NOSTRIN: variants seen among roughly 807,000 people sequenced by gnomAD.
NOSTRIN encodes nitric oxide synthase trafficking, also known as BM247 homolog.
NOSTRIN carries 63 observed loss-of-function variants against 59.0 expected under a neutral mutation model. That is an observed-to-expected ratio of 1.07 (90% CI 0.87 to 1.32). The LOEUF is 1.32. Among genes scored for constraint, NOSTRIN ranks in the 40% most tolerant of loss-of-function variants. The probability of loss-of-function intolerance (pLI) is 0.00; values close to 1 mark genes in which losing one functional copy is unlikely to be tolerated. For synonymous variants in NOSTRIN, 200 were observed against 165.4 expected (o/e 1.21, Z -1.61); for missense variants, 512 against 473.1 (o/e 1.08, Z -0.76).
chr2:168,852,020 C>A (rs1688796535), intron 10 of NOSTRIN, among the ~76,000 whole-genome samples: 1 of 152,196 alleles, frequency 6.6e-6, no homozygotes, highest in Admixed American at 6.5e-5. Context: ...CCATGTGGGT[C>A]TCTCCATGTC....
rs369236373 is a variant in NOSTRIN, at chr2:168,787,410, C to T, written c.-660-451C>T. Among the ~76,000 whole-genome samples the T allele has an allele frequency of 1.9e-3, 290 of 152,290 alleles. 1 individual carries two copies. The highest frequency in any genetic ancestry group is 6.4e-3 in the African/African-American group (268 of 41,568). Reference sequence around the variant, plus strand: ...ACCTCTTTCCTCTTCTTCTTCATGTCGCTAACTCTTACTTGGCCTTGAAGA... The same window carrying T: ...ACCTCTTTCCTCTTCTTCTTCATGTTGCTAACTCTTACTTGGCCTTGAAGA... On this transcript the variant is annotated intron_variant, in intron 1 of 20. Transcript: ENST00000458381.
intron 15 of NOSTRIN, among the ~76,000 whole-genome samples, chr2:168,864,113 G>A (rs961892222): frequency 1.4e-4 from 21 of 152,004 alleles, no homozygotes; most frequent in Non-Finnish European, 7.4e-5. Context: ...GACTACAGGC[G>A]TGTGCCACCA....
upstream of NOSTRIN, among the ~76,000 whole-genome samples, chr2:168,794,452 C>T (rs1414048643): frequency 2.0e-5 from 3 of 151,084 alleles, no homozygotes; most frequent in Non-Finnish European, 4.4e-5. Context: ...CCCAGGTTCG[C>T]ACCATTCTCC....
intron 15 of NOSTRIN, among the ~76,000 whole-genome samples, chr2:168,864,317 G>A (rs1689706859): frequency 6.9e-6 from 1 of 145,782 alleles, no homozygotes; most frequent in South Asian, 2.2e-4. Context: ...GTCTTGCCCT[G>A]TTGCTGTTGC....
upstream of NOSTRIN, among the ~76,000 whole-genome samples, chr2:168,801,415 C>T (rs552705569): frequency 6.6e-6 from 1 of 150,930 alleles, no homozygotes; most frequent in Non-Finnish European, 1.5e-5. Flanking sequence ...AGATAGGAAT[C>T]TCCTGCTATA....
intron 2 of NOSTRIN, among the ~76,000 whole-genome samples, chr2:168,822,228 T>C (rs1042740833): frequency 2.0e-5 from 3 of 152,248 alleles, no homozygotes; most frequent in Non-Finnish European, 2.9e-5. Context: ...CCTTTCCTTA[T>C]GCCTGGGCAA....
In NOSTRIN at chr2:168,864,782, G is replaced by A; in HGVS notation, c.1385-52G>A. On this transcript the variant is annotated intron_variant, in intron 15 of 15. Coordinates refer to ENST00000317647, the MANE Select transcript of NOSTRIN (RefSeq NM_001039724.4). ...CCTTAAAACTCTTATCAATCGGGCTGAGGCATGTGTTCACATCACAGAGAC... is the reference window on the plus strand; with the variant it reads ...CCTTAAAACTCTTATCAATCGGGCTAAGGCATGTGTTCACATCACAGAGAC... The A allele has an allele frequency of 2.5e-6, 4 of 1,602,814 alleles. No homozygotes were observed. In the South Asian group the frequency reaches 3.3e-5, roughly 13 times the overall value.
intron 12 of NOSTRIN, among the ~76,000 whole-genome samples, chr2:168,857,680 G>C (rs1689207623): frequency 6.6e-6 from 1 of 152,236 alleles, no homozygotes; most frequent in South Asian, 2.1e-4. Context: ...GCTGTGATTA[G>C]AGATCATGAG....
intron 2 of NOSTRIN, among the ~76,000 whole-genome samples, chr2:168,812,707 G>A (rs1438691140): frequency 3.9e-5 from 6 of 152,154 alleles, no homozygotes; most frequent in African/African-American, 1.4e-4. Context: ...TATACGGGAA[G>A]AGTAAAGTCT....
intron 15 of NOSTRIN, 137 bp from the exon 16 acceptor site, chr2:168,864,697 G>C (rs897496044): frequency 1.1e-6 from 1 of 879,832 alleles, no homozygotes; most frequent in African/African-American, 1.7e-5. Context: ...GATACATTTG[G>C]CTTCATCTGA....
intron 9 of NOSTRIN, 38 bp from the exon 10 acceptor site, chr2:168,851,241 T>G: frequency 6.2e-7 from 1 of 1,614,002 alleles, no homozygotes; most frequent in South Asian, 1.1e-5. Flanking sequence ...CAGAAACCTT[T>G]CTTCGACAAC....
At chr2:168,858,861 T>C (rs1383779720) in intron 12 of NOSTRIN, among the ~76,000 whole-genome samples, 1 of 152,336 alleles carries the variant, frequency 6.6e-6, no homozygotes, top group East Asian at 1.9e-4. Context: ...GATTCTGTTA[T>C]TTAATTCACC....
chr2:168,829,062 T>G (rs895956533), intron 5 of NOSTRIN, among the ~76,000 whole-genome samples: 3 of 152,212 alleles, frequency 2.0e-5, no homozygotes, highest in African/African-American at 7.2e-5. Context: ...AAGAGAATGA[T>G]AAGCACAATT....
At chr2:168,837,460 C>T (rs746157279) in intron 7 of NOSTRIN, among the ~76,000 whole-genome samples, 2 of 151,880 alleles carry the variant, frequency 1.3e-5, no homozygotes, top group Non-Finnish European at 2.9e-5. Context: ...CAGGCCCCGC[C>T]ACCACACCCA....
intron 8 of NOSTRIN, 77 bp downstream of exon 8, chr2:168,843,194 G>A (rs1688203437): frequency 2.5e-6 from 2 of 786,228 alleles, no homozygotes; most frequent in Non-Finnish European, 4.4e-6. Context: ...AGATTACAGT[G>A]ACAAGACCTG....
intron 1 of NOSTRIN, among the ~76,000 whole-genome samples, chr2:168,808,862 A>G (rs1685999108): frequency 2.0e-5 from 3 of 152,212 alleles, no homozygotes; most frequent in South Asian, 4.1e-4. Flanking sequence ...AAATGTTCAT[A>G]TGTTAGAATA....
intron 7 of NOSTRIN, among the ~76,000 whole-genome samples, chr2:168,836,855 C>G (rs1401214557): frequency 6.6e-6 from 1 of 152,218 alleles, no homozygotes. Context: ...GGACAGCCCA[C>G]TCCCTAATGA....
rs1481807368 is a variant in NOSTRIN, at chr2:168,855,448, A to G, written c.952A>G (p.Lys318Glu). 17 of 1,600,624 alleles carry G rather than the reference A, an allele frequency of 1.1e-5. No individual in the cohort carries two copies. Among genetic ancestry groups the G allele is most frequent in the Non-Finnish European group, 1.5e-5 (17 of 1,168,774 alleles). Residue 318 changes from lysine (K) to glutamate (E), a missense_variant, in exon 11 of 16, where the codon AAA becomes GAA. Transcript: ENST00000317647. ...GCAGAGAGACATTGAAAAAGCCTCA[A>G]AAGACAAGGAAGGTGTGTAACCATC... The part of the protein sequence containing the change: ...RLQRDIEKAS[K>E]DKEGLERMLK...
chr2:168,799,896 G>A (rs1278641944), upstream of NOSTRIN, among the ~76,000 whole-genome samples: 1 of 152,206 alleles, frequency 6.6e-6, no homozygotes, highest in Non-Finnish European at 1.5e-5. Flanking sequence ...CTGTCTCTAT[G>A]CCCTTTGCAA....
Sources: allele counts gnomAD v4.1 joint callset (sites outside exome capture counted in the v4.1 genomes callset), GRCh38; gene constraint gnomAD v4.1.1; transcripts MANE v1.5; gene names NCBI Gene and HGNC (gene_info 2026-07-23, HGNC 2026-07-21).